TRAPPC5: variants seen among roughly 807,000 people sequenced by gnomAD.
The protein encoded by TRAPPC5 is trafficking protein particle complex 5.
TRAPPC5 carries 5 observed loss-of-function variants against 9.8 expected under a neutral mutation model. The ratio of observed to expected loss-of-function variants is 0.51; its 90% CI spans 0.27 to 1.07. The LOEUF is 1.07. Ranked by LOEUF, TRAPPC5 falls within the 50% of genes least tolerant of loss-of-function variation. TRAPPC5 has a pLI of 0.12. For missense variants in TRAPPC5, 243 were observed against 291.5 expected (o/e 0.83, Z 1.21); for synonymous variants, 146 against 140.7 (o/e 1.04, Z -0.26).
Position 7,683,094 on chromosome 19 carries a change from TG to T in TRAPPC5, c.*275del. 2.0e-6 allele frequency: 1 copy of T among 492,508 alleles called. No homozygotes were observed. The highest frequency in any genetic ancestry group is 3.6e-6 in the Non-Finnish European group (1 of 274,412). The allele number at this position is 492,508 out of a possible 1,614,324, so 30.5% of individuals were successfully genotyped here. A position where few individuals can be genotyped will look rare whatever the true frequency, so the allele number is the denominator to read the frequency against. On this transcript the variant is annotated 3_prime_UTR_variant, in exon 2 of 2. Transcript: ENST00000596148. The stretch of plus-strand genomic sequence containing the variant: ...TCTGGAATCACGGTTGGAGGCTGTC[TG>T]CAGGCTGGAGGGGGCATGGGGTCCT...
Position 7,682,904 on chromosome 19 carries a change from CT to C in TRAPPC5, c.*86del. 7.1e-7 allele frequency: 1 copy of C among 1,414,596 alleles called. No individual in the cohort carries two copies. The highest frequency in any genetic ancestry group is 9.5e-7 in the Non-Finnish European group (1 of 1,051,408). 87.6% of individuals were successfully genotyped at this position (1,414,596 alleles called of 1,614,324 possible). On this transcript the variant is annotated 3_prime_UTR_variant, in exon 2 of 2. Transcript: ENST00000596148. The surrounding 1 kb of genome is among the most constrained non-coding windows in gnomAD (Gnocchi z 8.6). ...TGGCGGCCTTAGATCCACTCAGTAC[CT>C]TGAGCCACAGCCCTGCCCCAGGCTG...
rs2146260264 is a variant in TRAPPC5 at position 7,684,476 on chromosome 19, G to C, written c.*1656G>C. On this transcript the variant is annotated 3_prime_UTR_variant, in exon 2 of 2. Transcript: ENST00000596148. ...GCAGGAGAATCGCTCCAACCCGGGAGGTGGAGGTTGCAGTGAGCCGAGATT... is the reference window on the plus strand; with the variant it reads ...GCAGGAGAATCGCTCCAACCCGGGACGTGGAGGTTGCAGTGAGCCGAGATT... 1 of 152,520 alleles carries C rather than the reference G, an allele frequency of 6.6e-6. No individual in the cohort carries two copies. Among genetic ancestry groups the C allele is most frequent in the South Asian group, 2.1e-4 (1 of 4,824 alleles). The allele number at this position is 152,520 out of a possible 1,614,324, so 9.4% of individuals were successfully genotyped here.
Position 7,682,670 on chromosome 19 carries a change from C to T in TRAPPC5, c.417C>T (p.Cys139=), listed in dbSNP as rs1394992443. The part of the protein sequence containing the change: ...SVPKENSTLN[C]ASFTAGIVEA... ...CCAAGGAGAACAGCACGCTCAACTG[C>T]GCCAGCTTCACGGCGGGCATCGTGG... Residue 139 remains cysteine, a synonymous_variant, in exon 2 of 2, where the codon TGC becomes TGT. Transcript: ENST00000596148. This position sits in a 1 kb window ranked among gnomAD's most constrained non-coding sequence, Gnocchi z 8.6. 3.1e-6 allele frequency: 5 copies of T among 1,613,772 alleles called. No individual in the cohort carries two copies. The Admixed American group carries it at 5.0e-5, about 16-fold the overall frequency.
In TRAPPC5 at chr19:7,684,049, G is replaced by A. The variant is rs1001289345; in HGVS notation, c.*1229G>A. The A allele has an allele frequency of 2.6e-5, 4 of 152,240 alleles. No individual in the cohort carries two copies. Among genetic ancestry groups the A allele is most frequent in the Non-Finnish European group, 5.9e-5 (4 of 68,078 alleles). The allele number at this position is 152,240 out of a possible 1,614,324, so 9.4% of individuals were successfully genotyped here. A position where few individuals can be genotyped will look rare whatever the true frequency, so the allele number is the denominator to read the frequency against. On this transcript the variant is annotated 3_prime_UTR_variant, in exon 2 of 2. Coordinates refer to ENST00000596148, the MANE Select transcript of TRAPPC5 (RefSeq NM_001042462.2). ...GGCCTCAAGCAATCCTTCCACCTTG[G>A]CCTCCGTAAGTGCTGGGGTTACAGG...
Position 7,681,929 on chromosome 19 carries a change from T to C in TRAPPC5, c.-12-313T>C, listed in dbSNP as rs1056895399. 1.6e-4 allele frequency among the ~76,000 whole-genome samples: 24 copies of C among 152,276 alleles called. 1 individual carries two copies. The highest frequency in any genetic ancestry group is 3.4e-3 in the Middle Eastern group (1 of 294). Reference sequence around the variant, plus strand: ...CGCTTTCGCAATTGAACCGTCTGCATGCCCGAGGGTTGGGTGGTTTCGGCC... The same window carrying C: ...CGCTTTCGCAATTGAACCGTCTGCACGCCCGAGGGTTGGGTGGTTTCGGCC... On this transcript the variant is annotated intron_variant, in intron 1 of 1. Transcript: ENST00000596148. The surrounding 1 kb of genome is among the most constrained non-coding windows in gnomAD (Gnocchi z 8.7).
rs1212687126 is a variant in TRAPPC5 at position 7,685,538 on chromosome 19, C to T, written c.*2718C>T. 1 of 152,354 alleles carries T rather than the reference C, an allele frequency of 6.6e-6. No individual in the cohort carries two copies. Among genetic ancestry groups the T allele is most frequent in the Non-Finnish European group, 1.5e-5 (1 of 68,190 alleles). The allele number at this position is 152,354 out of a possible 1,614,324, so 9.4% of individuals were successfully genotyped here. A position where few individuals can be genotyped will look rare whatever the true frequency, so the allele number is the denominator to read the frequency against. ...GAAGGGCCAAAGGGGTCGGTGTCAC[C>T]TCTAGATTTGTTTAGGATGCTCTGT... is the stretch of plus-strand genomic sequence containing the variant. On this transcript the variant is annotated 3_prime_UTR_variant, in exon 2 of 2. Coordinates refer to ENST00000596148, the MANE Select transcript of TRAPPC5 (RefSeq NM_001042462.2).
rs1323013479 is a variant in TRAPPC5 at position 7,686,490 on chromosome 19, A to G, written c.*3670A>G. ...TCACAGGCAGGTTCCAAAAGAAGTC[A>G]TGTGCCCATGGTCACACAGATTAAT... On this transcript the variant is annotated 3_prime_UTR_variant, in exon 2 of 2. Transcript: ENST00000596148. 1 of 152,006 alleles carries G rather than the reference A, an allele frequency of 6.6e-6. No individual in the cohort carries two copies. Among genetic ancestry groups the G allele is most frequent in the Non-Finnish European group, 1.5e-5 (1 of 68,008 alleles). The allele number at this position is 152,006 out of a possible 1,614,324, so 9.4% of individuals were successfully genotyped here. A position where few individuals can be genotyped will look rare whatever the true frequency, so the allele number is the denominator to read the frequency against.
chr19:7,682,960 C>T lies in TRAPPC5; in HGVS notation c.*140C>T, dbSNP rs543758031. 2,580 of 965,002 alleles carry T rather than the reference C, an allele frequency of 2.7e-3. 9 individuals carry two copies. The highest frequency in any genetic ancestry group is 3.5e-3 in the Non-Finnish European group (2,273 of 655,372). 59.8% of individuals were successfully genotyped at this position (965,002 alleles called of 1,614,324 possible). On this transcript the variant is annotated 3_prime_UTR_variant, in exon 2 of 2. Transcript: ENST00000596148. The surrounding 1 kb of genome is among the most constrained non-coding windows in gnomAD (Gnocchi z 8.6). Reference sequence around the variant, plus strand: ...GGGAGGCCAGGTCCGAATGTGTTTACAGTAGAGTGGGGGCGGGTCTGGCCA... The same window carrying T: ...GGGAGGCCAGGTCCGAATGTGTTTATAGTAGAGTGGGGGCGGGTCTGGCCA...
At position 7,682,929 on chromosome 19, in the gene TRAPPC5, T is replaced by G; in HGVS notation, c.*109T>G. ...CTTGAGCCACAGCCCTGCCCCAGGC[T>G]GGGGAGGGAGGCCAGGTCCGAATGT... On this transcript the variant is annotated 3_prime_UTR_variant, in exon 2 of 2. Coordinates refer to ENST00000596148, the MANE Select transcript of TRAPPC5 (RefSeq NM_001042462.2). The surrounding 1 kb of genome is among the most constrained non-coding windows in gnomAD (Gnocchi z 8.6). 1 of 1,297,370 alleles carries G rather than the reference T, an allele frequency of 7.7e-7. No homozygotes were observed. The highest frequency in any genetic ancestry group is 1.0e-6 in the Non-Finnish European group (1 of 954,356). 80.4% of individuals were successfully genotyped at this position (1,297,370 alleles called of 1,614,324 possible).
chr19:7,687,274 G>C lies in TRAPPC5; in HGVS notation c.*4454G>C, dbSNP rs1292446596. ...CCTGGAGGTGTTGTCAGGGGAAAGG[G>C]AAGAGGTGCAATGACCCCAGTGTTG... is the stretch of plus-strand genomic sequence containing the variant. On this transcript the variant is annotated 3_prime_UTR_variant, in exon 2 of 2. Coordinates refer to ENST00000596148, the MANE Select transcript of TRAPPC5 (RefSeq NM_001042462.2). 1 of 152,596 alleles carries C rather than the reference G, an allele frequency of 6.6e-6. No individual in the cohort carries two copies. Among genetic ancestry groups the C allele is most frequent in the African/African-American group, 2.4e-5 (1 of 41,462 alleles). 9.5% of individuals were successfully genotyped at this position (152,596 alleles called of 1,614,324 possible). A position where few individuals can be genotyped will look rare whatever the true frequency, so the allele number is the denominator to read the frequency against.
At position 7,682,611 on chromosome 19, in the gene TRAPPC5, C is replaced by T. The variant is rs767417495; in HGVS notation, c.358C>T (p.Arg120Cys). The T allele has an allele frequency of 7.4e-6, 12 of 1,612,756 alleles. No individual in the cohort carries two copies. The highest frequency in any genetic ancestry group is 9.3e-6 in the Non-Finnish European group (11 of 1,179,990). ...DDARTFYIIE[R>C]EPLINTYISV... ...CGCGCGCACCTTCTACATCATCGAGCGCGAGCCGCTCATCAACACCTACAT... is the reference window on the plus strand; with the variant it reads ...CGCGCGCACCTTCTACATCATCGAGTGCGAGCCGCTCATCAACACCTACAT... Residue 120 changes from arginine (R) to cysteine (C), a missense_variant, in exon 2 of 2, where the codon CGC becomes TGC. Physicochemically the swap from Arg to Cys is radical, Grantham distance 180. Coordinates refer to ENST00000596148, the MANE Select transcript of TRAPPC5 (RefSeq NM_001042462.2). The surrounding 1 kb of genome is among the most constrained non-coding windows in gnomAD (Gnocchi z 8.6).
At position 7,686,219 on chromosome 19, in the gene TRAPPC5, G is replaced by C. The variant is rs894692265; in HGVS notation, c.*3399G>C. ...GAGGGTGAGTTAGGGGGCTTGAGGA[G>C]AAGGGAAAACGTTTGAACAAGCTGT... On this transcript the variant is annotated 3_prime_UTR_variant, in exon 2 of 2. Coordinates refer to ENST00000596148, the MANE Select transcript of TRAPPC5 (RefSeq NM_001042462.2). 6.6e-6 allele frequency: 1 copy of C among 152,432 alleles called. No individual in the cohort carries two copies. Among genetic ancestry groups the C allele is most frequent in the Non-Finnish European group, 1.5e-5 (1 of 68,208 alleles). 9.4% of individuals were successfully genotyped at this position (152,432 alleles called of 1,614,324 possible).
Position 7,681,861 on chromosome 19 carries a change from A to AG in TRAPPC5, c.-12-380dup, listed in dbSNP as rs2032642493. On this transcript the variant is annotated intron_variant, in intron 1 of 1. Coordinates refer to ENST00000596148, the MANE Select transcript of TRAPPC5 (RefSeq NM_001042462.2). The surrounding 1 kb of genome is among the most constrained non-coding windows in gnomAD (Gnocchi z 8.7). ...TCTGACGCCCCTCCCCCCATACACT[A>AG]GTTTTCTAGTTACTCCTGTAGGTGG... Among the ~76,000 whole-genome samples, 2 of 151,590 alleles carry AG rather than the reference A, an allele frequency of 1.3e-5. No individual in the cohort carries two copies. The highest frequency in any genetic ancestry group is 4.9e-5 in the African/African-American group (2 of 41,230).
At position 7,681,322 on chromosome 19, in the gene TRAPPC5, G is replaced by T. The variant is rs967818229; in HGVS notation, c.-13+444G>T. Among the ~76,000 whole-genome samples the T allele has an allele frequency of 6.6e-6, 1 of 151,644 alleles. No homozygotes were observed. Among genetic ancestry groups the T allele is most frequent in the Non-Finnish European group, 1.5e-5 (1 of 67,880 alleles). ...GCATGGTGGGGGCGGGTTCTCAGCT[G>T]CCCCTCCGATCCCGTCTCGGCGCCC... On this transcript the variant is annotated intron_variant, in intron 1 of 1. Coordinates refer to ENST00000596148, the MANE Select transcript of TRAPPC5 (RefSeq NM_001042462.2). This position sits in a 1 kb window ranked among gnomAD's most constrained non-coding sequence, Gnocchi z 8.7.
Position 7,682,509 on chromosome 19 carries a change from T to C in TRAPPC5, c.256T>C (p.Leu86=). 6.2e-7 allele frequency: 1 copy of C among 1,613,092 alleles called. No homozygotes were observed. Residue 86 remains leucine (L), a synonymous_variant, in exon 2 of 2, where the codon TTG becomes CTG. Transcript: ENST00000596148. The surrounding 1 kb of genome is among the most constrained non-coding windows in gnomAD (Gnocchi z 8.6). ...GCGTGAGACCAAGGTGCTAGGCGCG[T>C]TGCTCTTCGTCAAGGGCGCCGTGTG... ...ARRETKVLGA[L]LFVKGAVWKA... is the part of the protein sequence containing the mutation.
rs368243535 is a variant in TRAPPC5, at chr19:7,682,692, G to A, written c.439G>A (p.Val147Met). Residue 147 changes from valine to methionine, a missense_variant, in exon 2 of 2, where the codon GTG becomes ATG. Around this residue, in one of 2 missense-constraint regions of TRAPPC5, gnomAD observed 154 missense variants for 215.8 expected, o/e 0.71. Coordinates refer to ENST00000596148, the MANE Select transcript of TRAPPC5 (RefSeq NM_001042462.2). The surrounding 1 kb of genome is among the most constrained non-coding windows in gnomAD (Gnocchi z 8.6). ...CTGCGCCAGCTTCACGGCGGGCATCGTGGAGGCGGTGCTCACACACAGCGG... is the reference window on the plus strand; with the variant it reads ...CTGCGCCAGCTTCACGGCGGGCATCATGGAGGCGGTGCTCACACACAGCGG... ...LNCASFTAGI[V>M]EAVLTHSGFP... 1 of 1,613,126 alleles carries A rather than the reference G, an allele frequency of 6.2e-7. No individual in the cohort carries two copies.
rs759906005 is a variant in TRAPPC5, at chr19:7,682,339, T to C, written c.86T>C (p.Phe29Ser). 104 of 1,555,238 alleles carry C rather than the reference T, an allele frequency of 6.7e-5. No individual in the cohort carries two copies. The highest frequency in any genetic ancestry group is 8.8e-5 in the Non-Finnish European group (101 of 1,152,660). ...RPRTEVSLSAFALLFSELVQH... is the reference protein window; with the variant it reads ...RPRTEVSLSASALLFSELVQH... Reference sequence around the variant, plus strand: ...CGCACCGAGGTGAGCCTGAGCGCCTTCGCACTGCTGTTCTCCGAGCTGGTA... The same window carrying C: ...CGCACCGAGGTGAGCCTGAGCGCCTCCGCACTGCTGTTCTCCGAGCTGGTA... Residue 29 changes from phenylalanine (F) to serine (S), a missense_variant, in exon 2 of 2, where the codon TTC becomes TCC. This residue lies in a region of TRAPPC5 where 89 missense variants were observed against 75.7 expected (regional missense o/e 1.18). Transcript: ENST00000596148. The surrounding 1 kb of genome is among the most constrained non-coding windows in gnomAD (Gnocchi z 8.6).
In TRAPPC5 at chr19:7,681,754, T is replaced by G. The variant is rs528682563; in HGVS notation, c.-12-488T>G. On this transcript the variant is annotated intron_variant, in intron 1 of 1. Coordinates refer to ENST00000596148, the MANE Select transcript of TRAPPC5 (RefSeq NM_001042462.2). This position sits in a 1 kb window ranked among gnomAD's most constrained non-coding sequence, Gnocchi z 8.7. Reference sequence around the variant, plus strand: ...GGCAGGAAAGTTCCCGAGGGTCGTCTGTGCTGGAGCGCAGGGCGGGGCAGG... The same window carrying G: ...GGCAGGAAAGTTCCCGAGGGTCGTCGGTGCTGGAGCGCAGGGCGGGGCAGG... Among the ~76,000 whole-genome samples the G allele has an allele frequency of 2.0e-5, 3 of 152,198 alleles. No individual in the cohort carries two copies. In the East Asian group the frequency reaches 5.8e-4, roughly 29 times the overall value.
rs1030653948 is a variant in TRAPPC5 at position 7,686,831 on chromosome 19, CT to C, written c.*4020del. 2.0e-5 allele frequency: 3 copies of C among 149,818 alleles called. No homozygotes were observed. Among genetic ancestry groups the C allele is most frequent in the Middle Eastern group, 3.2e-3 (1 of 312 alleles). 9.3% of individuals were successfully genotyped at this position (149,818 alleles called of 1,614,324 possible). The stretch of plus-strand genomic sequence containing the variant: ...GGCTGGCTTTTTCTCTTTTCTTCTT[CT>C]TTTTTTTTGAGACAGGTTCTCACTG... On this transcript the variant is annotated 3_prime_UTR_variant, in exon 2 of 2. Transcript: ENST00000596148.
Sources: allele counts gnomAD v4.1 joint callset (sites outside exome capture counted in the v4.1 genomes callset), GRCh38; gene constraint gnomAD v4.1.1; regional missense constraint gnomAD v4.1.1; non-coding constraint Gnocchi (gnomAD v3.1); transcripts MANE v1.5; gene names NCBI Gene and HGNC (gene_info 2026-07-23, HGNC 2026-07-21).